The following FRMD4A variants were observed in gnomAD, a reference collection of about 807,000 sequenced individuals.
The protein encoded by FRMD4A is FERM domain containing 4A.
In FRMD4A, 29 loss-of-function variants were observed where a neutral mutation model predicts 129.1. The ratio of observed to expected loss-of-function variants is 0.22; its 90% CI spans 0.17 to 0.31. The LOEUF (loss-of-function observed/expected upper bound fraction) is 0.31. Among genes scored for constraint, FRMD4A ranks in the 10% least tolerant of loss-of-function variants. The pLI, the probability that FRMD4A is intolerant of heterozygous loss-of-function variation, is 1.00. For synonymous variants in FRMD4A, 634 were observed against 571.6 expected, an observed-to-expected ratio of 1.11 and a Z score of -1.56; for missense variants, 1,272 against 1,375.8, an observed-to-expected ratio of 0.92 and a Z score of 1.19.
chr10:13,992,298 C>T, intron 2 of FRMD4A, among the ~76,000 whole-genome samples: 1 of 152,244 alleles, frequency 6.6e-6, no homozygotes, highest in Non-Finnish European at 1.5e-5. Flanking sequence ...TTGGTTTCTT[C>T]TCCTCTGATT....
At chr10:13,824,114 A>G (rs1200158563) in intron 3 of FRMD4A, among the ~76,000 whole-genome samples, 1 of 152,146 alleles carries the variant, frequency 6.6e-6, no homozygotes, top group Non-Finnish European at 1.5e-5. Context: ...ATATTAGTAC[A>G]GTCAACCCTG....
intron 2 of FRMD4A, among the ~76,000 whole-genome samples, chr10:14,116,180 T>G (rs577754140): frequency 1.5e-4 from 23 of 152,314 alleles, no homozygotes; most frequent in African/African-American, 5.3e-4. Context: ...TTATGAAAAT[T>G]GCATGCCTTG....
intron 2 of FRMD4A, among the ~76,000 whole-genome samples, chr10:14,231,283 CTGT>C (rs1843629444): frequency 6.6e-6 from 1 of 151,774 alleles, no homozygotes; most frequent in South Asian, 2.1e-4. Context: ...TCACCATCAT[CTGT>C]TGTTTTTTGA....
chr10:13,972,110 G>T, intron 2 of FRMD4A: 1 of 1,089,106 alleles, frequency 9.2e-7, no homozygotes, highest in Non-Finnish European at 1.1e-6. Flanking sequence ...GCAGATAACG[G>T]CACATCCCTG....
rs2083022261 is a variant in FRMD4A, at chr10:13,666,193, C to T, written c.1507G>A (p.Ala503Thr). Residue 503 changes from alanine to threonine, a missense_variant, in exon 18 of 25, where the codon GCA (alanine) becomes ACA (threonine). Around this residue, in one of 2 missense-constraint regions of FRMD4A, gnomAD observed 972 missense variants for 892.3 expected, o/e 1.09. Coordinates refer to ENST00000357447, the MANE Select transcript of FRMD4A (RefSeq NM_018027.5). The part of the protein sequence containing the change: ...KKQRKTSYLN[A>T]LKKLQEIENA... ...TCAATCTCCTGCAGTTTCTTCAGTG[C>T]ATTCAGATACGAGGTTTTCCTTTGT... The T allele has an allele frequency of 6.2e-7, 1 of 1,613,246 alleles. No homozygotes were observed. Among genetic ancestry groups the T allele is most frequent in the Non-Finnish European group, 8.5e-7 (1 of 1,179,180 alleles).
At chr10:13,924,512 C>G (rs2095108205) in intron 2 of FRMD4A, among the ~76,000 whole-genome samples, 1 of 151,974 alleles carries the variant, frequency 6.6e-6, no homozygotes, top group African/African-American at 2.4e-5. Context: ...GATAGCATCT[C>G]TTGCCATAAA....
At chr10:13,921,343 A>C (rs1449277408) in intron 2 of FRMD4A, among the ~76,000 whole-genome samples, 2 of 148,412 alleles carry the variant, frequency 1.3e-5, no homozygotes, top group African/African-American at 5.0e-5. Context: ...CTCACTGAAG[A>C]CTTGACCTCC....
chr10:14,291,883 G>A (rs1433720246), intron 2 of FRMD4A, among the ~76,000 whole-genome samples: 1 of 151,714 alleles, frequency 6.6e-6, no homozygotes, highest in Non-Finnish European at 1.5e-5. Context: ...TTATTAATAG[G>A]TGAGCTTAAA....
chr10:13,849,485 T>C (rs74598856), intron 3 of FRMD4A, among the ~76,000 whole-genome samples: 1,354 of 42,534 alleles, frequency 0.032, 49 homozygotes, highest in East Asian at 0.26. Context: ...CTCCTGCATT[T>C]TTTTTTTTTT....
intron 4 of FRMD4A, among the ~76,000 whole-genome samples, chr10:13,803,636 C>A (rs1335123543): frequency 5.2e-5 from 3 of 57,778 alleles, no homozygotes; most frequent in Non-Finnish European, 1.0e-4. Context: ...CCATACCCAG[C>A]CCCCAATTTT....
intron 2 of FRMD4A, among the ~76,000 whole-genome samples, chr10:13,950,522 A>C (rs141882508): frequency 1.3e-5 from 2 of 152,222 alleles, no homozygotes; most frequent in African/African-American, 4.8e-5. Context: ...TTGTAAAAAA[A>C]TGCCATGACA....
chr10:14,186,308 C>T (rs1167838981), intron 2 of FRMD4A, among the ~76,000 whole-genome samples: 2 of 152,154 alleles, frequency 1.3e-5, no homozygotes, highest in Non-Finnish European at 2.9e-5. Flanking sequence ...TTCGTACTAA[C>T]GCCCCCTGAA....
Position 13,997,888 on chromosome 10 carries a change from A to T in FRMD4A, c.46-138976T>A, listed in dbSNP as rs200224383. Among the ~76,000 whole-genome samples, 4 of 152,238 alleles carry T rather than the reference A, an allele frequency of 2.6e-5. No homozygotes were observed. In the East Asian group the frequency reaches 7.7e-4, roughly 29 times the overall value. On this transcript the variant is annotated intron_variant, in intron 2 of 24. Transcript: ENST00000357447. ...CACCTCTACCTCCCAAAGTGCTGGG[A>T]TTACAGCCACTAAGCCCGGCCAACA...
chr10:13,670,620 C>G, intron 16 of FRMD4A, 92 bp from the exon 17 acceptor site: 3 of 1,299,214 alleles, frequency 2.3e-6, no homozygotes, highest in Non-Finnish European at 3.3e-6. Context: ...TACACGCACA[C>G]AAAAATGCAC....
chr10:13,818,621 T>C (rs1357162390), intron 3 of FRMD4A, among the ~76,000 whole-genome samples: 2 of 152,198 alleles, frequency 1.3e-5, no homozygotes, highest in Non-Finnish European at 2.9e-5. Flanking sequence ...ATATCCTGTC[T>C]TTCTTATATA....
At chr10:13,971,122 ACACG>A (rs1431031305) in intron 2 of FRMD4A, among the ~76,000 whole-genome samples, 1 of 152,194 alleles carries the variant, frequency 6.6e-6, no homozygotes, top group African/African-American at 2.4e-5. Context: ...ACACATGCAC[ACACG>A]CACGCACGCG....
At chr10:14,131,450 C>A (rs1839254699) in intron 2 of FRMD4A, among the ~76,000 whole-genome samples, 1 of 149,228 alleles carries the variant, frequency 6.7e-6, no homozygotes, top group Admixed American at 6.7e-5. Context: ...GGTTCAATAC[C>A]CAGCCTCGAA....
At chr10:13,809,297 A>C (rs1219393218) in intron 4 of FRMD4A, among the ~76,000 whole-genome samples, 1 of 152,212 alleles carries the variant, frequency 6.6e-6, no homozygotes, top group East Asian at 1.9e-4. Context: ...AGGGAAGCCT[A>C]ATCAGGCCTC....
intron 5 of FRMD4A, among the ~76,000 whole-genome samples, chr10:13,784,787 C>G (rs765756152): frequency 1.3e-5 from 2 of 152,004 alleles, no homozygotes; most frequent in Non-Finnish European, 2.9e-5. Flanking sequence ...GTCAGGAGTT[C>G]GAAACCAGCC....
Sources: allele counts gnomAD v4.1 joint callset (sites outside exome capture counted in the v4.1 genomes callset), GRCh38; gene constraint gnomAD v4.1.1; regional missense constraint gnomAD v4.1.1; transcripts MANE v1.5; gene names NCBI Gene and HGNC (gene_info 2026-07-23, HGNC 2026-07-21).